Variants in MIPOL1 observed in about 807,000 individuals in gnomAD.
The protein encoded by MIPOL1 is mirror-image polydactyly gene 1 protein.
In MIPOL1, 57 loss-of-function variants were observed where a neutral mutation model predicts 60.9. That is an observed-to-expected ratio of 0.94 (90% CI 0.76 to 1.17). MIPOL1 has a LOEUF of 1.17. MIPOL1 is among the 50% of genes most tolerant of loss of function. The pLI is 0.00. For synonymous variants in MIPOL1, 179 were observed against 168.8 expected (o/e 1.06, Z -0.47); for missense variants, 551 against 511.6 (o/e 1.08, Z -0.74).
At chr14:37,343,122 T>C (rs2090697992) in intron 9 of MIPOL1, among the ~76,000 whole-genome samples, 1 of 151,602 alleles carries the variant, frequency 6.6e-6, no homozygotes, top group African/African-American at 2.4e-5. Flanking sequence ...ATGTTATATA[T>C]AAAGTATAAA....
chr14:37,281,206 T>C (rs999586511), intron 6 of MIPOL1, among the ~76,000 whole-genome samples: 38 of 152,302 alleles, frequency 2.5e-4, no homozygotes, highest in African/African-American at 8.9e-4. Context: ...AGATGATGCC[T>C]ATTTTTATTC....
intron 11 of MIPOL1, among the ~76,000 whole-genome samples, chr14:37,491,848 T>G (rs1594694953): frequency 6.6e-6 from 1 of 152,310 alleles, no homozygotes; most frequent in Non-Finnish European, 1.5e-5. Context: ...ATCATTGAAG[T>G]TACTAGACTG....
At chr14:37,488,072 G>C (rs1300248018) in intron 11 of MIPOL1, among the ~76,000 whole-genome samples, 1 of 152,092 alleles carries the variant, frequency 6.6e-6, no homozygotes, top group Non-Finnish European at 1.5e-5. Flanking sequence ...CTTTATTTCT[G>C]CCTTCATTTC....
chr14:37,446,314 C>A (rs1233898053), intron 11 of MIPOL1, among the ~76,000 whole-genome samples: 5 of 152,194 alleles, frequency 3.3e-5, no homozygotes, highest in African/African-American at 1.2e-4. Flanking sequence ...CCAAAAAACA[C>A]ATGAAAAAAT....
intron 1 of MIPOL1, among the ~76,000 whole-genome samples, chr14:37,243,739 A>G (rs1972710998): frequency 1.3e-5 from 2 of 152,302 alleles, no homozygotes; most frequent in African/African-American, 2.4e-5. Context: ...AATCCTGGAT[A>G]CTGTTACATT....
chr14:37,296,951 T>G (rs1193880911), intron 7 of MIPOL1, among the ~76,000 whole-genome samples: 10 of 152,178 alleles, frequency 6.6e-5, no homozygotes. Flanking sequence ...CCTAACTCGT[T>G]TTATGAGGCC....
chr14:37,312,403 C>A (rs2087430228), intron 9 of MIPOL1, among the ~76,000 whole-genome samples: 1 of 152,144 alleles, frequency 6.6e-6, no homozygotes, highest in Non-Finnish European at 1.5e-5. Flanking sequence ...GAGCCACCTG[C>A]CCAGCCTTGA....
At chr14:37,353,633 G>C (rs1429245426) in intron 9 of MIPOL1, among the ~76,000 whole-genome samples, 3 of 150,998 alleles carry the variant, frequency 2.0e-5, no homozygotes, top group Non-Finnish European at 4.4e-5. Flanking sequence ...GTTTAGTCTT[G>C]GGAGAGTGTA....
Position 37,398,766 on chromosome 14 carries a change from C to A in MIPOL1, c.937-24089C>A, listed in dbSNP as rs190118430. ...GGACATTGAACGAGTAAGATCTTTT[C>A]GTTTTTCTTTGATATGAAGTTTATA... On this transcript the variant is annotated intron_variant, in intron 10 of 12. Coordinates refer to ENST00000684589, the MANE Select transcript of MIPOL1 (RefSeq NM_001388067.1). Among the ~76,000 whole-genome samples, 3 of 152,226 alleles carry A rather than the reference C, an allele frequency of 2.0e-5. No homozygotes were observed. In the East Asian group the frequency reaches 5.8e-4, roughly 29 times the overall value.
chr14:37,327,811 TAAG>T (rs2089310683), intron 9 of MIPOL1, among the ~76,000 whole-genome samples: 1 of 152,102 alleles, frequency 6.6e-6, no homozygotes, highest in South Asian at 2.1e-4. Flanking sequence ...GTATTTTTAA[TAAG>T]AAGGCAGAAG....
At chr14:37,351,129 A>C (rs1029621769) in intron 9 of MIPOL1, among the ~76,000 whole-genome samples, 1 of 141,622 alleles carries the variant, frequency 7.1e-6, no homozygotes, top group African/African-American at 2.6e-5. Context: ...TCATTGTTCA[A>C]TTCCCACCTA....
intron 11 of MIPOL1, among the ~76,000 whole-genome samples, chr14:37,477,899 G>C (rs2094802443): frequency 6.6e-6 from 1 of 152,172 alleles, no homozygotes; most frequent in South Asian, 2.1e-4. Flanking sequence ...GCGTGTTTTT[G>C]TTTTCTATTG....
intron 10 of MIPOL1, among the ~76,000 whole-genome samples, chr14:37,398,942 A>G (rs1019354192): frequency 1.3e-5 from 2 of 152,204 alleles, no homozygotes; most frequent in Non-Finnish European, 2.9e-5. Context: ...AATCAAGATG[A>G]TAATGTGAAA....
chr14:37,505,620 G>A (rs2095268125), intron 12 of MIPOL1: 2 of 152,128 alleles, frequency 1.3e-5, no homozygotes, highest in Admixed American at 6.6e-5. Flanking sequence ...AGTAATAAGA[G>A]CTATTTATGA....
intron 11 of MIPOL1, among the ~76,000 whole-genome samples, chr14:37,436,832 C>A (rs763482281): frequency 2.6e-5 from 4 of 152,230 alleles, no homozygotes; most frequent in Admixed American, 6.5e-5. Context: ...TGTAAATATT[C>A]CAGATTCAAT....
At chr14:37,435,355 T>A (rs2153562124) in intron 11 of MIPOL1, among the ~76,000 whole-genome samples, 1 of 152,278 alleles carries the variant, frequency 6.6e-6, no homozygotes, top group Non-Finnish European at 1.5e-5. Context: ...TTCCTTTACT[T>A]TGTTCAACTT....
chr14:37,490,749 C>T (rs1325842791), intron 11 of MIPOL1, among the ~76,000 whole-genome samples: 2 of 152,142 alleles, frequency 1.3e-5, no homozygotes, highest in African/African-American at 4.8e-5. Context: ...CAACATCCCA[C>T]CCTGCTTCAG....
At chr14:37,351,048 T>G (rs2091317401) in intron 9 of MIPOL1, among the ~76,000 whole-genome samples, 1 of 33,548 alleles carries the variant, frequency 3.0e-5, no homozygotes, top group Non-Finnish European at 5.3e-5. Context: ...CCCAATGCTA[T>G]CCCTCCCCCC....
chr14:37,206,190 A>G (rs776205782), intron 1 of MIPOL1, among the ~76,000 whole-genome samples: 6 of 152,066 alleles, frequency 3.9e-5, no homozygotes, highest in Non-Finnish European at 7.4e-5. Context: ...AAATGGTTTC[A>G]TGGACCAAGC....
Sources: gnomAD v4.1 joint callset for allele counts (sites outside exome capture counted in the v4.1 genomes callset) on GRCh38, gnomAD v4.1.1 for gene constraint, MANE v1.5 for transcripts, NCBI Gene and HGNC (gene_info 2026-07-23, HGNC 2026-07-21) for gene names.